The following PAPPA2 variants were observed in gnomAD, a reference collection of about 807,000 sequenced individuals.
PAPPA2 encodes the protein pappalysin-2.
Under a neutral mutation model 176.4 loss-of-function variants are expected in PAPPA2, and 86 were observed. The observed-to-expected ratio is 0.49, with a 90% CI of 0.41 to 0.58. The LOEUF is 0.58. Ranked by LOEUF, PAPPA2 falls within the 20% of genes least tolerant of loss-of-function variation. The pLI, the probability that PAPPA2 is intolerant of heterozygous loss-of-function variation, is 0.00. For missense variants in PAPPA2, 2,073 were observed against 2,256.9 expected, an observed-to-expected ratio of 0.92 and a Z score of 1.65; for synonymous variants, 809 against 852.2, an observed-to-expected ratio of 0.95 and a Z score of 0.88.
intron 4 of PAPPA2, among the ~76,000 whole-genome samples, chr1:176,687,447 C>T (rs1001121086): frequency 2.0e-5 from 3 of 152,104 alleles, no homozygotes; most frequent in Non-Finnish European, 4.4e-5. Context: ...GGAAACATCT[C>T]ATTTGGGGTT....
chr1:176,722,617 C>T (rs1031904743), intron 12 of PAPPA2, among the ~76,000 whole-genome samples: 7 of 151,978 alleles, frequency 4.6e-5, no homozygotes, highest in Non-Finnish European at 7.4e-5. Flanking sequence ...GCTTTTTATA[C>T]CGTTATTTTG....
intron 21 of PAPPA2, among the ~76,000 whole-genome samples, chr1:176,826,541 T>C (rs1334165916): frequency 6.6e-6 from 1 of 152,164 alleles, no homozygotes. Flanking sequence ...GAACAGCTGG[T>C]CCAACAAATC....
chr1:176,697,656 T>C (rs1660448999), intron 7 of PAPPA2, among the ~76,000 whole-genome samples: 1 of 152,170 alleles, frequency 6.6e-6, no homozygotes, highest in Admixed American at 6.5e-5. Context: ...TGGTGAGAAT[T>C]TTCTGGCTTC....
intron 17 of PAPPA2, among the ~76,000 whole-genome samples, chr1:176,783,961 G>A (rs536866636): frequency 3.9e-5 from 6 of 152,304 alleles, no homozygotes; most frequent in East Asian, 3.9e-4. Flanking sequence ...ACATAATTCT[G>A]ATGGGATTGG....
At position 176,711,963 on chromosome 1, in the gene PAPPA2, G is replaced by A. The variant is rs1378359335; in HGVS notation, c.3780G>A (p.Glu1260=). The change falls in exon 12 of 23, where the codon GAG becomes GAA. Residue 1260 remains glutamate, a synonymous_variant. Transcript: ENST00000367662. ...SEQPEGSLKK[E]DEVWLKVCFN... ...AGCCAGAAGGTAGCCTGAAGAAAGA[G>A]GATGAGGTTTGGCTCAAAGTAAGTG... 1 of 1,612,914 alleles carries A rather than the reference G, an allele frequency of 6.2e-7. No homozygotes were observed.
intron 12 of PAPPA2, among the ~76,000 whole-genome samples, chr1:176,719,133 A>G (rs1450065779): frequency 6.6e-6 from 1 of 152,140 alleles, no homozygotes; most frequent in African/African-American, 2.4e-5. Flanking sequence ...TGAAACCACA[A>G]AATAACTATG....
chr1:176,724,399 C>G (rs548925730), intron 12 of PAPPA2, among the ~76,000 whole-genome samples: 135 of 152,192 alleles, frequency 8.9e-4, no homozygotes, highest in Non-Finnish European at 1.5e-3. Flanking sequence ...ACAAATGAAG[C>G]AATTTGAGAA....
At chr1:176,535,728 G>T (rs1487665799) in intron 1 of PAPPA2, among the ~76,000 whole-genome samples, 1 of 152,110 alleles carries the variant, frequency 6.6e-6, no homozygotes, top group Non-Finnish European at 1.5e-5. Context: ...GCTTGGAAAA[G>T]TTTGTGTCAC....
At chr1:176,663,826 G>T (rs2102762387) in intron 3 of PAPPA2, among the ~76,000 whole-genome samples, 1 of 152,058 alleles carries the variant, frequency 6.6e-6, no homozygotes. Flanking sequence ...AAGTTCTCCT[G>T]GGGACCTCTC....
At chr1:176,617,979 C>T (rs930551698) in intron 3 of PAPPA2, among the ~76,000 whole-genome samples, 2 of 152,084 alleles carry the variant, frequency 1.3e-5, no homozygotes, top group Admixed American at 1.3e-4. Flanking sequence ...TGAAACTGTG[C>T]TCAGTAAAGG....
chr1:176,525,194 C>T (rs938826175), intron 1 of PAPPA2, among the ~76,000 whole-genome samples: 1 of 152,156 alleles, frequency 6.6e-6, no homozygotes, highest in African/African-American at 2.4e-5. Flanking sequence ...TGCTGGCAAA[C>T]GGCACAATCA....
At chr1:176,469,118 A>G (rs1438617614) in intron 1 of PAPPA2, among the ~76,000 whole-genome samples, 1 of 152,188 alleles carries the variant, frequency 6.6e-6, no homozygotes, top group Non-Finnish European at 1.5e-5. Context: ...CCAACGTGAA[A>G]GGAAGAGCAT....
rs140335207 is a variant in PAPPA2 at position 176,792,110 on chromosome 1, C to A, written c.5020+628C>A. ...TACTGAAAGAGATGATTTGACATTC[C>A]TCTTTCATGCATCATTCTTCAGCCA... On this transcript the variant is annotated intron_variant, in intron 19 of 22. Coordinates refer to ENST00000367662, the MANE Select transcript of PAPPA2 (RefSeq NM_020318.3). Among the ~76,000 whole-genome samples, 457 of 152,282 alleles carry A rather than the reference C, an allele frequency of 3.0e-3. 4 individuals are homozygous for A. The highest frequency in any genetic ancestry group is 0.01 in the African/African-American group (436 of 41,572).
chr1:176,800,018 T>A (rs1369370378), intron 20 of PAPPA2, 43 bp from the exon 21 acceptor site: 1 of 1,602,968 alleles, frequency 6.2e-7, no homozygotes, highest in East Asian at 2.2e-5. Flanking sequence ...ACACAACAAA[T>A]GTCTTTAATT....
intron 3 of PAPPA2, among the ~76,000 whole-genome samples, chr1:176,628,657 A>G (rs1012593201): frequency 6.6e-6 from 1 of 152,192 alleles, no homozygotes; most frequent in East Asian, 1.9e-4. Context: ...TTTCTGGTTG[A>G]TGAACCCAAG....
At chr1:176,723,274 G>A (rs1032683095) in intron 12 of PAPPA2, among the ~76,000 whole-genome samples, 1 of 152,110 alleles carries the variant, frequency 6.6e-6, no homozygotes, top group Non-Finnish European at 1.5e-5. Flanking sequence ...TCCAAGACAT[G>A]AACTTTTGTG....
chr1:176,518,423 T>G (rs2102533784), intron 1 of PAPPA2, among the ~76,000 whole-genome samples: 1 of 149,584 alleles, frequency 6.7e-6, no homozygotes, highest in Non-Finnish European at 1.5e-5. Context: ...CTTTATGGAG[T>G]TACCTGTAAT....
intron 17 of PAPPA2, among the ~76,000 whole-genome samples, chr1:176,785,323 A>G (rs991090514): frequency 6.6e-6 from 1 of 152,084 alleles, no homozygotes; most frequent in African/African-American, 2.4e-5. Context: ...AGCCCTCACT[A>G]TTGGGCCCCG....
chr1:176,718,818 G>C (rs1171748105), intron 12 of PAPPA2, among the ~76,000 whole-genome samples: 2 of 151,642 alleles, frequency 1.3e-5, no homozygotes, highest in Non-Finnish European at 2.9e-5. Flanking sequence ...GGTCAATATT[G>C]GTAAGTATTA....
Sources: gnomAD v4.1 joint callset for allele counts (sites outside exome capture counted in the v4.1 genomes callset) on GRCh38, gnomAD v4.1.1 for gene constraint, MANE v1.5 for transcripts, NCBI Gene and HGNC (gene_info 2026-07-23, HGNC 2026-07-21) for gene names.